Variants in UVRAG observed in about 807,000 individuals in gnomAD.
UVRAG encodes UV radiation resistance associated, also known as UV radiation resistance-associated gene protein.
In UVRAG, 19 loss-of-function variants were observed where a neutral mutation model predicts 78.0. The observed-to-expected ratio is 0.24, with a 90% CI of 0.17 to 0.36. The LOEUF (loss-of-function observed/expected upper bound fraction) is 0.36, where lower values mean the gene tolerates loss of function less well. UVRAG is among the 10% of genes least tolerant of loss of function. The pLI, the probability that UVRAG is intolerant of heterozygous loss-of-function variation, is 1.00. For synonymous variants in UVRAG, 323 were observed against 324.6 expected (o/e 1.00, Z 0.05); for missense variants, 740 against 853.8 (o/e 0.87, Z 1.66).
chr11:75,833,706 G>A (rs937526647), intron 1 of UVRAG, among the ~76,000 whole-genome samples: 57 of 152,320 alleles, frequency 3.7e-4, no homozygotes, highest in African/African-American at 1.2e-3. Flanking sequence ...GATAAGCATT[G>A]TTTCTATAGA....
intron 6 of UVRAG, among the ~76,000 whole-genome samples, chr11:75,918,370 T>G (rs2135055522): frequency 6.8e-6 from 1 of 147,008 alleles, no homozygotes; most frequent in Non-Finnish European, 1.5e-5. Context: ...AGAGCGAGAC[T>G]CCGTCTCAGA....
Position 76,141,652 on chromosome 11 carries a change from C to T in UVRAG, c.*239C>T. On this transcript the variant is annotated 3_prime_UTR_variant, in exon 15 of 15. Coordinates refer to ENST00000356136, the MANE Select transcript of UVRAG (RefSeq NM_003369.4). ...TGATGATTTTAAAGCAAAAATCACC[C>T]TCTAGTTGAAAGAGCTTACAGCTCG... The T allele has an allele frequency of 3.7e-6, 2 of 534,392 alleles. No homozygotes were observed. Among genetic ancestry groups the T allele is most frequent in the South Asian group, 4.8e-5 (2 of 41,618 alleles). 33.1% of individuals were successfully genotyped at this position (534,392 alleles called of 1,614,324 possible).
At chr11:75,876,053 C>T (rs910702307) in intron 3 of UVRAG, among the ~76,000 whole-genome samples, 8 of 152,084 alleles carry the variant, frequency 5.3e-5, no homozygotes, top group African/African-American at 1.2e-4. Context: ...ACCAAAGCCC[C>T]GGCTTTGTAT....
chr11:76,031,286 C>T (rs1950433269), intron 12 of UVRAG, among the ~76,000 whole-genome samples: 2 of 152,112 alleles, frequency 1.3e-5, no homozygotes, highest in African/African-American at 4.8e-5. Flanking sequence ...AATAAGGAAT[C>T]CCCATGGAAA....
chr11:76,114,101 T>G (rs1184903961), intron 13 of UVRAG, among the ~76,000 whole-genome samples: 1 of 152,152 alleles, frequency 6.6e-6, no homozygotes, highest in Admixed American at 6.5e-5. Context: ...GTTTAATATT[T>G]TTCGGTATGA....
chr11:76,044,943 T>C (rs1040760990), intron 12 of UVRAG, among the ~76,000 whole-genome samples: 2 of 151,958 alleles, frequency 1.3e-5, no homozygotes, highest in Non-Finnish European at 2.9e-5. Context: ...ATCTAAGAGC[T>C]CGCAAGGGGG....
chr11:75,922,557 A>G (rs1948000220), intron 6 of UVRAG, among the ~76,000 whole-genome samples: 1 of 152,226 alleles, frequency 6.6e-6, no homozygotes, highest in Non-Finnish European at 1.5e-5. Context: ...AACTTTCAGA[A>G]TAATGTTGAA....
At chr11:75,962,037 A>G (rs975771897) in intron 7 of UVRAG, among the ~76,000 whole-genome samples, 2 of 152,168 alleles carry the variant, frequency 1.3e-5, no homozygotes, top group African/African-American at 4.8e-5. Flanking sequence ...TTAAGATATT[A>G]GTATAATTTT....
At chr11:75,869,059 T>A (rs1451609869) in intron 3 of UVRAG, among the ~76,000 whole-genome samples, 1 of 152,182 alleles carries the variant, frequency 6.6e-6, no homozygotes, top group African/African-American at 2.4e-5. Context: ...AGAGATATGC[T>A]TGTTTTACAG....
chr11:75,971,761 C>G (rs896656417), intron 7 of UVRAG, among the ~76,000 whole-genome samples: 11 of 152,028 alleles, frequency 7.2e-5, no homozygotes, highest in African/African-American at 2.7e-4. Flanking sequence ...TCCTGGTTCA[C>G]TGAAACCTCT....
At chr11:75,967,452 G>C (rs950335528) in intron 7 of UVRAG, among the ~76,000 whole-genome samples, 2 of 152,104 alleles carry the variant, frequency 1.3e-5, no homozygotes, top group African/African-American at 2.4e-5. Context: ...AAGCAGATGT[G>C]TTAACTTTTG....
intron 5 of UVRAG, among the ~76,000 whole-genome samples, chr11:75,898,339 A>C (rs1195460105): frequency 6.6e-6 from 1 of 152,162 alleles, no homozygotes; most frequent in Non-Finnish European, 1.5e-5. Context: ...TGTACAATGA[A>C]TTGCCCCTTT....
At chr11:76,095,115 C>A (rs10899155) in intron 13 of UVRAG, among the ~76,000 whole-genome samples, 7,412 of 152,226 alleles carry the variant, frequency 0.049, 269 homozygotes, top group East Asian at 0.21. Flanking sequence ...GAATAAAATT[C>A]TAGTGTATTT....
chr11:76,077,736 G>C (rs367926630), intron 13 of UVRAG, among the ~76,000 whole-genome samples: 1 of 152,166 alleles, frequency 6.6e-6, no homozygotes, highest in Non-Finnish European at 1.5e-5. Context: ...CCTAATATCT[G>C]ACTCTAAGTT....
rs60133924 is a variant in UVRAG, at chr11:76,053,344, A to ACACACACACAC, written c.1227-12366_1227-12365insCACACACACAC. 3.0e-3 allele frequency among the ~76,000 whole-genome samples: 431 copies of ACACACACACAC among 142,428 alleles called. 4 individuals carry two copies. Among genetic ancestry groups the ACACACACACAC allele is most frequent in the African/African-American group, 0.01 (370 of 36,876 alleles). 93.4% of individuals were successfully genotyped at this position (142,428 alleles called of 152,430 possible). On this transcript the variant is annotated intron_variant, in intron 12 of 14. Transcript: ENST00000356136. ...ACACACACACACACACACACACACA[A>ACACACACACAC]AAATAAATATGCACCTGCTCCTTCT...
chr11:75,991,846 T>C (rs1450254420), intron 8 of UVRAG, among the ~76,000 whole-genome samples: 1 of 152,138 alleles, frequency 6.6e-6, no homozygotes, highest in East Asian at 1.9e-4. Flanking sequence ...AACAGTGATA[T>C]CTATACCATT....
intron 3 of UVRAG, among the ~76,000 whole-genome samples, chr11:75,878,005 C>T (rs1404718766): frequency 6.1e-4 from 92 of 149,794 alleles, no homozygotes; most frequent in African/African-American, 2.1e-3. Context: ...CGGGCGGAGA[C>T]GCTCCTCACT....
chr11:76,061,016 C>T lies in UVRAG; in HGVS notation c.1227-4694C>T, dbSNP rs541539069. On this transcript the variant is annotated intron_variant, in intron 12 of 14. Transcript: ENST00000356136. ...TGGTGCGGGATCTACTGGGTGAAGCCAGCTGGGCTCCTGAGTCTGGTGGGG... is the reference window on the plus strand; with the variant it reads ...TGGTGCGGGATCTACTGGGTGAAGCTAGCTGGGCTCCTGAGTCTGGTGGGG... Among the ~76,000 whole-genome samples, 9 of 152,370 alleles carry T rather than the reference C, an allele frequency of 5.9e-5. No individual in the cohort carries two copies. The East Asian group carries it at 1.2e-3, about 20-fold the overall frequency.
chr11:76,028,879 G>A (rs1227925447), intron 12 of UVRAG, among the ~76,000 whole-genome samples: 1 of 152,132 alleles, frequency 6.6e-6, no homozygotes, highest in Non-Finnish European at 1.5e-5. Context: ...TATTGATGCA[G>A]GTGGCTACAC....
Sources: allele counts gnomAD v4.1 joint callset (sites outside exome capture counted in the v4.1 genomes callset), GRCh38; gene constraint gnomAD v4.1.1; transcripts MANE v1.5; gene names NCBI Gene and HGNC (gene_info 2026-07-23, HGNC 2026-07-21).